The following KIF17 variants were observed in gnomAD, a reference collection of about 807,000 sequenced individuals.
KIF17 encodes kinesin-like protein KIF17.
In KIF17, 80 loss-of-function variants were observed where a neutral mutation model predicts 96.8. That is an observed-to-expected ratio of 0.83 (90% confidence interval 0.69 to 1.00). The LOEUF (loss-of-function observed/expected upper bound fraction) is 1.00, where lower values mean the gene tolerates loss of function less well. KIF17 is among the 50% of genes least tolerant of loss of function. The probability of loss-of-function intolerance (pLI) is 0.00; values close to 1 mark genes in which losing one functional copy is unlikely to be tolerated. For missense variants in KIF17, 1,280 were observed against 1,372.9 expected (o/e 0.93, Z 1.07); for synonymous variants, 567 against 587.5 (o/e 0.97, Z 0.51).
chr1:20,670,531 CA>C, intron 12 of KIF17, 43 bp from the exon 13 acceptor site: 1 of 1,598,364 alleles, frequency 6.3e-7, no homozygotes, highest in Non-Finnish European at 8.6e-7. Context: ...CTGCCTGGTG[CA>C]AGGCCTAGAG....
At chr1:20,680,111 A>C (rs962720743) in intron 11 of KIF17, among the ~76,000 whole-genome samples, 5 of 152,000 alleles carry the variant, frequency 3.3e-5, no homozygotes, top group Admixed American at 2.6e-4. Flanking sequence ...CAGCCTCCCA[A>C]AGTGCTGAGA....
downstream of KIF17, among the ~76,000 whole-genome samples, chr1:20,663,657 CT>C (rs1438012638): frequency 6.6e-6 from 1 of 152,194 alleles, no homozygotes; most frequent in African/African-American, 2.4e-5. Flanking sequence ...AGGTACCCCC[CT>C]ATGTGGGCAC....
chr1:20,662,186 T>C (rs1307105788), downstream of KIF17, among the ~76,000 whole-genome samples: 3 of 152,226 alleles, frequency 2.0e-5, no homozygotes, highest in East Asian at 3.9e-4. Flanking sequence ...CATGGCAGGT[T>C]TTGAAGCACT....
At chr1:20,695,097 CA>C (rs2054110838) in intron 6 of KIF17, among the ~76,000 whole-genome samples, 5 of 151,812 alleles carry the variant, frequency 3.3e-5, no homozygotes, top group Admixed American at 2.6e-4. Flanking sequence ...CTCAGGCACA[CA>C]TGCACATGCA....
intron 3 of KIF17, among the ~76,000 whole-genome samples, chr1:20,712,730 CTA>C (rs369845508): frequency 0.43 from 8,029 of 18,726 alleles, 2,963 homozygotes; most frequent in East Asian, 0.78. Flanking sequence ...TATATTATAT[CTA>C]TATATATTAT....
chr1:20,688,537 ACT>A (rs1407992718), intron 7 of KIF17, among the ~76,000 whole-genome samples: 2 of 152,170 alleles, frequency 1.3e-5, no homozygotes, highest in African/African-American at 2.4e-5. Context: ...CTCCACAGCC[ACT>A]GAGTGCTGGG....
Position 20,713,602 on chromosome 1 carries a change from C to T in KIF17, c.379-47G>A, listed in dbSNP as rs773183865. 3.5e-6 allele frequency: 5 copies of T among 1,410,532 alleles called. No homozygotes were observed. In the South Asian group the frequency reaches 4.8e-5, roughly 13 times the overall value. The allele number at this position is 1,410,532 out of a possible 1,614,324, so 87.4% of individuals were successfully genotyped here. A position where few individuals can be genotyped will look rare whatever the true frequency, so the allele number is the denominator to read the frequency against. On this transcript the variant is annotated intron_variant, in intron 2 of 14. Transcript: ENST00000400463. ...AACCTAGACCTCAGAGCTCGAAGTC[C>T]ACCTGCTGCCAGGTCTGACCCTGGG...
Position 20,704,336 on chromosome 1 carries a change from G to C in KIF17, c.1123+111C>G. ...CTCACATGGGGCTGAGGGGTGGGAG[G>C]ATGCTGCTCCCACTGTCTTTTAGGT... is the stretch of plus-strand genomic sequence containing the variant. On this transcript the variant is annotated intron_variant, in intron 5 of 14. Coordinates refer to ENST00000400463, the MANE Select transcript of KIF17 (RefSeq NM_001122819.3). This position sits in a 1 kb window ranked among gnomAD's most constrained non-coding sequence, Gnocchi z 6.8. 1 of 880,336 alleles carries C rather than the reference G, an allele frequency of 1.1e-6. No individual in the cohort carries two copies. Among genetic ancestry groups the C allele is most frequent in the Non-Finnish European group, 1.8e-6 (1 of 546,776 alleles). 54.5% of individuals were successfully genotyped at this position (880,336 alleles called of 1,614,324 possible). A position where few individuals can be genotyped will look rare whatever the true frequency, so the allele number is the denominator to read the frequency against.
At chr1:20,681,366 T>A (rs2053828004) in intron 11 of KIF17, among the ~76,000 whole-genome samples, 1 of 151,560 alleles carries the variant, frequency 6.6e-6, no homozygotes. Flanking sequence ...TTTTTGTATT[T>A]TTTTTAGTAG....
intron 3 of KIF17, among the ~76,000 whole-genome samples, chr1:20,712,132 G>A (rs367563127): frequency 6.6e-5 from 10 of 152,122 alleles, no homozygotes; most frequent in Admixed American, 1.3e-4. Context: ...CTCTAGGCCC[G>A]GGTAACTGAG....
intron 4 of KIF17, among the ~76,000 whole-genome samples, chr1:20,708,728 T>C (rs1370638571): frequency 6.6e-6 from 1 of 152,234 alleles, no homozygotes; most frequent in Non-Finnish European, 1.5e-5. Context: ...ATGAGGATTC[T>C]AGTGCCTGTC....
At chr1:20,692,692 G>GT (rs2054062540) in intron 6 of KIF17, 1 of 151,832 alleles carries the variant, frequency 6.6e-6, no homozygotes, top group Non-Finnish European at 1.5e-5. Context: ...GGGGTGTAGG[G>GT]TTGGAAAATG....
intron 4 of KIF17, among the ~76,000 whole-genome samples, chr1:20,707,354 G>A (rs562466664): frequency 3.3e-5 from 5 of 152,326 alleles, no homozygotes; most frequent in South Asian, 4.1e-4. Flanking sequence ...ACCACACATG[G>A]TCATGAAGAC....
rs886476471 is a variant in KIF17, at chr1:20,669,685, A to G, written c.2790+736T>C. 9.3e-5 allele frequency among the ~76,000 whole-genome samples: 14 copies of G among 149,902 alleles called. No individual in the cohort carries two copies. In the South Asian group the frequency reaches 1.1e-3, roughly 11 times the overall value. On this transcript the variant is annotated intron_variant, in intron 13 of 14. Coordinates refer to ENST00000400463, the MANE Select transcript of KIF17 (RefSeq NM_001122819.3). The stretch of plus-strand genomic sequence containing the variant: ...TCAAGAGATCGAGACCATCCTGGCC[A>G]ACCCGGTGAAACTCTGTCTCTACTA...
Position 20,673,551 on chromosome 1 carries a change from G to C in KIF17, c.2464-1355C>G, listed in dbSNP as rs1227761845. ...CTGCTCCATTTTTTTTTTTTTTTTTGAGACAGATTCACTCTGTCGCCCAGG... is the reference window on the plus strand; with the variant it reads ...CTGCTCCATTTTTTTTTTTTTTTTTCAGACAGATTCACTCTGTCGCCCAGG... On this transcript the variant is annotated intron_variant, in intron 11 of 14. Transcript: ENST00000400463. Among the ~76,000 whole-genome samples the C allele has an allele frequency of 2.6e-4, 18 of 68,052 alleles. No individual in the cohort carries two copies. The Admixed American group carries it at 2.8e-3, about 11-fold the overall frequency. The allele number at this position is 68,052 out of a possible 152,430, so 44.6% of individuals were successfully genotyped here.
At position 20,687,406 on chromosome 1, in the gene KIF17, G is replaced by T; in HGVS notation, c.1920C>A (p.Val640=). The part of the protein sequence containing the change: ...VARTDAPQAD[V]PKVPVQVPAP... ...CAGCTACCTGCACAGGGACCTTGGGGACGTCTGCCTGGGGTGCATCTGTCC... is the reference window on the plus strand; with the variant it reads ...CAGCTACCTGCACAGGGACCTTGGGTACGTCTGCCTGGGGTGCATCTGTCC... The change falls in exon 8 of 15, where the codon GTC becomes GTA. Residue 640 remains valine, a synonymous_variant. Transcript: ENST00000400463. This position sits in a 1 kb window ranked among gnomAD's most constrained non-coding sequence, Gnocchi z 4.4. The T allele has an allele frequency of 6.2e-7, 1 of 1,613,406 alleles. No homozygotes were observed. The highest frequency in any genetic ancestry group is 8.5e-7 in the Non-Finnish European group (1 of 1,180,026).
intron 3 of KIF17, among the ~76,000 whole-genome samples, chr1:20,712,752 A>G (rs2054482073): frequency 3.7e-5 from 1 of 27,358 alleles, no homozygotes; most frequent in African/African-American, 1.1e-4. Context: ...TATATATAAA[A>G]TTATATTATA....
At chr1:20,690,382 T>A in intron 6 of KIF17, 47 bp from the exon 7 acceptor site, 1 of 1,567,648 alleles carries the variant, frequency 6.4e-7, no homozygotes, top group Non-Finnish European at 8.7e-7. Context: ...TTTATCATCA[T>A]TTTGAAACCC....
rs747457254 is a variant in KIF17, at chr1:20,685,897, C to T, written c.2019+149G>A. The T allele has an allele frequency of 3.2e-4, 229 of 713,644 alleles. No homozygotes were observed. The highest frequency in any genetic ancestry group is 4.7e-4 in the Admixed American group (21 of 44,512). The allele number at this position is 713,644 out of a possible 1,614,324, so 44.2% of individuals were successfully genotyped here. A position where few individuals can be genotyped will look rare whatever the true frequency, so the allele number is the denominator to read the frequency against. On this transcript the variant is annotated intron_variant, in intron 9 of 14. Transcript: ENST00000400463. The surrounding 1 kb of genome is among the most constrained non-coding windows in gnomAD (Gnocchi z 4.1). ...CCTCCCACTGCACACTGCCTGGCCA[C>T]GGGCCACAAGCCCGGGGAAGGCTGG...
Sources: gnomAD v4.1 joint callset for allele counts (sites outside exome capture counted in the v4.1 genomes callset) on GRCh38, gnomAD v4.1.1 for gene constraint, Gnocchi (gnomAD v3.1) non-coding constraint, MANE v1.5 for transcripts, NCBI Gene and HGNC (gene_info 2026-07-23, HGNC 2026-07-21) for gene names.